Variants in SEMA3A observed in about 807,000 individuals in gnomAD.
SEMA3A encodes the protein semaphorin 3A.
In SEMA3A, 29 loss-of-function variants were observed where a neutral mutation model predicts 97.9. The observed-to-expected ratio is 0.30, with a 90% CI of 0.22 to 0.40. The LOEUF is 0.40. Among genes scored for constraint, SEMA3A ranks in the 10% least tolerant of loss-of-function variants. The pLI is 1.00. For synonymous variants in SEMA3A, 321 were observed against 323.7 expected (o/e 0.99, Z 0.09); for missense variants, 763 against 951.3 (o/e 0.80, Z 2.60).
At chr7:84,037,431 G>T (rs1462057666) in intron 6 of SEMA3A, among the ~76,000 whole-genome samples, 3 of 151,954 alleles carry the variant, frequency 2.0e-5, no homozygotes, top group Non-Finnish European at 2.9e-5. Flanking sequence ...AGGCTCAGGT[G>T]ATCCTCCCAT....
At chr7:84,267,051 C>T (rs994617378) in intron 3 of SEMA3A, among the ~76,000 whole-genome samples, 2 of 152,112 alleles carry the variant, frequency 1.3e-5, no homozygotes, top group African/African-American at 4.8e-5. Flanking sequence ...ATACACGTTA[C>T]TAAGCACACA....
At chr7:84,068,350 C>A (rs1293813726) in intron 4 of SEMA3A, among the ~76,000 whole-genome samples, 2 of 146,582 alleles carry the variant, frequency 1.4e-5, no homozygotes, top group Non-Finnish European at 3.0e-5. Flanking sequence ...GTGCAGCACA[C>A]CAGCATGGCA....
chr7:84,390,151 T>C (rs920975746), intron 1 of SEMA3A, among the ~76,000 whole-genome samples: 9 of 151,966 alleles, frequency 5.9e-5, no homozygotes. Context: ...ATACAATAAA[T>C]ACATGATTGT....
intron 3 of SEMA3A, among the ~76,000 whole-genome samples, chr7:84,231,859 G>T (rs939045936): frequency 6.6e-6 from 1 of 151,846 alleles, no homozygotes; most frequent in African/African-American, 2.4e-5. Context: ...CAGAAAAATA[G>T]CTCTTCCACT....
intron 2 of SEMA3A, among the ~76,000 whole-genome samples, chr7:84,357,546 T>G (rs1802595754): frequency 6.6e-6 from 1 of 152,174 alleles, no homozygotes; most frequent in South Asian, 2.1e-4. Flanking sequence ...TGTTGGACAT[T>G]TGGATTGGTC....
At chr7:84,333,584 T>C (rs1409058541) in intron 2 of SEMA3A, among the ~76,000 whole-genome samples, 3 of 152,156 alleles carry the variant, frequency 2.0e-5, no homozygotes, top group Admixed American at 2.0e-4. Flanking sequence ...ATACTCTACT[T>C]TCCAAAGAAA....
chr7:84,026,982 A>G (rs963851425), intron 6 of SEMA3A, among the ~76,000 whole-genome samples: 4 of 152,072 alleles, frequency 2.6e-5, no homozygotes, highest in African/African-American at 9.7e-5. Context: ...CTTCACGTGT[A>G]CCCCCAAACC....
Position 84,071,731 on chromosome 7 carries a change from G to A in SEMA3A, c.454-11173C>T, listed in dbSNP as rs146941639. 7.9e-5 allele frequency among the ~76,000 whole-genome samples: 12 copies of A among 151,994 alleles called. No homozygotes were observed. The East Asian group carries it at 1.9e-3, about 25-fold the overall frequency. On this transcript the variant is annotated intron_variant, in intron 4 of 16. Coordinates refer to ENST00000265362, the MANE Select transcript of SEMA3A (RefSeq NM_006080.3). ...TCTTTAAACTTCAAACTTGATATTC[G>A]GTGATGCATGTATTCCTTTTTTTAT...
intron 1 of SEMA3A, among the ~76,000 whole-genome samples, chr7:84,391,168 C>T (rs1803563453): frequency 6.6e-6 from 1 of 152,196 alleles, no homozygotes; most frequent in African/African-American, 2.4e-5. Flanking sequence ...CAGCACCTTT[C>T]ATAGGACAAA....
At chr7:84,005,738 A>C (rs983754854) in intron 10 of SEMA3A, among the ~76,000 whole-genome samples, 180 bp from the exon 11 acceptor site, 1 of 152,130 alleles carries the variant, frequency 6.6e-6, no homozygotes, top group African/African-American at 2.4e-5. Flanking sequence ...ACTTGAGGCC[A>C]GGAGTTGCAG....
At chr7:84,137,567 A>C (rs1041854100) in intron 1 of SEMA3A, among the ~76,000 whole-genome samples, 2 of 151,664 alleles carry the variant, frequency 1.3e-5, no homozygotes, top group Admixed American at 6.6e-5. Flanking sequence ...GTATCACTGG[A>C]TATGTTCAGG....
intron 1 of SEMA3A, among the ~76,000 whole-genome samples, chr7:84,192,720 T>G (rs2116273032): frequency 6.6e-6 from 1 of 152,068 alleles, no homozygotes; most frequent in African/African-American, 2.4e-5. Flanking sequence ...ATAAAAAAGT[T>G]TAATTCCCTA....
At chr7:84,320,946 G>T (rs901406717) in intron 2 of SEMA3A, among the ~76,000 whole-genome samples, 11 of 152,036 alleles carry the variant, frequency 7.2e-5, no homozygotes, top group Non-Finnish European at 1.6e-4. Context: ...TGACTCACTG[G>T]TGTGTTAAAT....
intron 12 of SEMA3A, among the ~76,000 whole-genome samples, chr7:83,998,100 G>C (rs1035413372): frequency 7.1e-6 from 1 of 140,226 alleles, no homozygotes; most frequent in African/African-American, 2.7e-5. Context: ...TATTTCTCTG[G>C]AAACTGCAAA....
chr7:84,000,075 TG>T (rs1285837305), intron 12 of SEMA3A, among the ~76,000 whole-genome samples: 1 of 152,096 alleles, frequency 6.6e-6, no homozygotes, highest in Non-Finnish European at 1.5e-5. Flanking sequence ...TTTTAGGTTT[TG>T]GCGATATAAC....
intron 1 of SEMA3A, among the ~76,000 whole-genome samples, chr7:84,470,389 A>G (rs547917089): frequency 4.6e-5 from 7 of 152,282 alleles, no homozygotes; most frequent in African/African-American, 1.7e-4. Context: ...TATATGATGA[A>G]GCATTTCTGG....
At chr7:84,141,295 C>T (rs1480727200) in intron 1 of SEMA3A, among the ~76,000 whole-genome samples, 2 of 152,134 alleles carry the variant, frequency 1.3e-5, no homozygotes, top group Non-Finnish European at 2.9e-5. Context: ...CTAGTCTCTC[C>T]AGCCTGTGCC....
At chr7:84,023,190 C>T (rs1420977333) in intron 6 of SEMA3A, among the ~76,000 whole-genome samples, 1 of 152,178 alleles carries the variant, frequency 6.6e-6, no homozygotes, top group Non-Finnish European at 1.5e-5. Flanking sequence ...CACCTTGGCA[C>T]AGGACACGCG....
At chr7:84,167,618 G>A (rs908949141) in intron 1 of SEMA3A, among the ~76,000 whole-genome samples, 1 of 152,092 alleles carries the variant, frequency 6.6e-6, no homozygotes, top group South Asian at 2.1e-4. Context: ...TATGAGGTGG[G>A]GTAGAGTGCA....
Sources: allele counts gnomAD v4.1 joint callset (sites outside exome capture counted in the v4.1 genomes callset), GRCh38; gene constraint gnomAD v4.1.1; transcripts MANE v1.5; gene names NCBI Gene and HGNC (gene_info 2026-07-23, HGNC 2026-07-21).